Variants in SLC24A2 observed in about 807,000 individuals in gnomAD.
SLC24A2 encodes the protein solute carrier family 24 member 2.
In SLC24A2, 36 loss-of-function variants were observed where a neutral mutation model predicts 62.0. The ratio of observed to expected loss-of-function variants is 0.58; its 90% CI spans 0.44 to 0.77. The LOEUF (loss-of-function observed/expected upper bound fraction) is 0.77, where lower values mean the gene tolerates loss of function less well. SLC24A2 is among the 30% of genes least tolerant of loss of function. The pLI is 0.00. For missense variants in SLC24A2, 846 were observed against 817.9 expected (o/e 1.03, Z -0.42); for synonymous variants, 358 against 294.0 (o/e 1.22, Z -2.23).
intron 2 of SLC24A2, among the ~76,000 whole-genome samples, chr9:19,665,590 G>A (rs1347663381): frequency 6.6e-6 from 1 of 152,014 alleles, no homozygotes; most frequent in East Asian, 1.9e-4. Context: ...AAGAGACGTC[G>A]GGTGAATCAT....
the SLC24A2 span, among the ~76,000 whole-genome samples, chr9:19,986,471 G>A: frequency 6.6e-6 from 1 of 152,076 alleles, no homozygotes; most frequent in Non-Finnish European, 1.5e-5. Flanking sequence ...CAAGCACTTA[G>A]CAAATACATG....
chr9:20,100,145 G>A, the SLC24A2 span, among the ~76,000 whole-genome samples: 1 of 152,088 alleles, frequency 6.6e-6, no homozygotes, highest in African/African-American at 2.4e-5. Flanking sequence ...TGCCATAGCT[G>A]GGATGGCAGG....
chr9:20,176,923 T>C, the SLC24A2 span, among the ~76,000 whole-genome samples: 1 of 80,036 alleles, frequency 1.2e-5, no homozygotes, highest in East Asian at 2.4e-4. Context: ...GATGGAGAAG[T>C]GTGGAAAATT....
chr9:20,011,245 A>G, the SLC24A2 span, among the ~76,000 whole-genome samples: 1 of 152,070 alleles, frequency 6.6e-6, no homozygotes, highest in Admixed American at 6.5e-5. Flanking sequence ...AAGTGTTCCC[A>G]TTTCTCCACA....
intron 2 of SLC24A2, among the ~76,000 whole-genome samples, chr9:19,623,372 T>G (rs944581335): frequency 6.6e-6 from 1 of 152,096 alleles, no homozygotes; most frequent in African/African-American, 2.4e-5. Context: ...TGGAGGAGAG[T>G]AGCCAGATGC....
chr9:19,852,833 AGT>A, the SLC24A2 span, among the ~76,000 whole-genome samples: 1 of 98,782 alleles, frequency 1.0e-5, no homozygotes, highest in African/African-American at 3.3e-5. Context: ...ATTTTAAAAT[AGT>A]TTTTTTTCTA....
At chr9:20,140,005 T>G in the SLC24A2 span, among the ~76,000 whole-genome samples, 1 of 152,166 alleles carries the variant, frequency 6.6e-6, no homozygotes, top group Non-Finnish European at 1.5e-5. Context: ...CGGGGACTGA[T>G]GCGTGCTGCT....
At chr9:19,852,628 G>T in the SLC24A2 span, among the ~76,000 whole-genome samples, 1 of 152,126 alleles carries the variant, frequency 6.6e-6, no homozygotes, top group Admixed American at 6.6e-5. Context: ...TCAGATGATT[G>T]TAGATGTGTG....
intron 2 of SLC24A2, among the ~76,000 whole-genome samples, chr9:19,634,275 C>A (rs1818252870): frequency 7.1e-6 from 1 of 140,944 alleles, no homozygotes; most frequent in Admixed American, 7.6e-5. Flanking sequence ...CTTGAAACTG[C>A]AGCCTCTTTT....
the SLC24A2 span, among the ~76,000 whole-genome samples, chr9:20,224,688 G>A: frequency 6.6e-6 from 1 of 151,572 alleles, no homozygotes; most frequent in Non-Finnish European, 1.5e-5. Context: ...AAAAGGCAGA[G>A]AAGAAGAGGG....
At chr9:19,843,039 T>C in the SLC24A2 span, among the ~76,000 whole-genome samples, 7 of 152,158 alleles carry the variant, frequency 4.6e-5, no homozygotes, top group African/African-American at 1.2e-4. Flanking sequence ...ATATATCCCG[T>C]GGTAGTGTTT....
At chr9:20,214,281 G>A in the SLC24A2 span, among the ~76,000 whole-genome samples, 4 of 152,124 alleles carry the variant, frequency 2.6e-5, no homozygotes, top group African/African-American at 4.8e-5. Context: ...AAGATCTGCT[G>A]TACTATATTG....
chr9:19,914,391 C>T, the SLC24A2 span, among the ~76,000 whole-genome samples: 1 of 152,042 alleles, frequency 6.6e-6, no homozygotes, highest in Admixed American at 6.6e-5. Flanking sequence ...TACAAAAGAC[C>T]CTACTTGATC....
the SLC24A2 span, among the ~76,000 whole-genome samples, chr9:20,062,889 AT>A: frequency 8.3e-6 from 1 of 121,070 alleles, no homozygotes; most frequent in African/African-American, 3.4e-5. Flanking sequence ...ACACATGAAA[AT>A]ATGCTCACCA....
the SLC24A2 span, among the ~76,000 whole-genome samples, chr9:20,079,955 C>G: frequency 3.3e-5 from 5 of 152,092 alleles, no homozygotes; most frequent in Non-Finnish European, 5.9e-5. Context: ...AATTACAAAC[C>G]ACTGCTCAAT....
At chr9:19,634,015 C>T (rs1386538820) in intron 2 of SLC24A2, among the ~76,000 whole-genome samples, 1 of 152,036 alleles carries the variant, frequency 6.6e-6, no homozygotes. Context: ...GAATTCCTTG[C>T]CTGGTGTTGG....
chr9:19,555,520 T>C (rs893025935), intron 7 of SLC24A2, among the ~76,000 whole-genome samples: 1 of 152,236 alleles, frequency 6.6e-6, no homozygotes, highest in East Asian at 1.9e-4. Flanking sequence ...CCATTCATTT[T>C]ATCCTTTTTC....
At chr9:19,837,594 A>T in the SLC24A2 span, among the ~76,000 whole-genome samples, 1 of 151,704 alleles carries the variant, frequency 6.6e-6, no homozygotes, top group African/African-American at 2.4e-5. Flanking sequence ...AAGGAAATAA[A>T]GGGTATTCAA....
intron 2 of SLC24A2, among the ~76,000 whole-genome samples, chr9:19,758,182 T>C (rs1174512383): frequency 6.6e-6 from 1 of 152,214 alleles, no homozygotes; most frequent in African/African-American, 2.4e-5. Flanking sequence ...AGAATAATTT[T>C]TATATAAAAC....
Sources: allele counts gnomAD v4.1 joint callset (sites outside exome capture counted in the v4.1 genomes callset), GRCh38; gene constraint gnomAD v4.1.1; transcripts MANE v1.5; gene names NCBI Gene and HGNC (gene_info 2026-07-23, HGNC 2026-07-21).